CAPN7: variants seen among roughly 807,000 people sequenced by gnomAD.
CAPN7 encodes the protein calpain-7.
A neutral mutation model predicts 115.2 loss-of-function variants in CAPN7; 72 were observed. That is an observed-to-expected ratio of 0.63 (90% CI 0.52 to 0.76). The LOEUF (loss-of-function observed/expected upper bound fraction) is 0.76. CAPN7 is among the 30% of genes least tolerant of loss of function. The pLI, the probability that CAPN7 is intolerant of heterozygous loss-of-function variation, is 0.00. For synonymous variants in CAPN7, 344 were observed against 322.3 expected, an observed-to-expected ratio of 1.07 and a Z score of -0.72; for missense variants, 905 against 971.5, an observed-to-expected ratio of 0.93 and a Z score of 0.91.
chr3:15,233,784 A>C, intron 10 of CAPN7, 83 bp from the exon 11 acceptor site: 3 of 742,296 alleles, frequency 4.0e-6, no homozygotes, highest in Non-Finnish European at 4.7e-6. Context: ...CATTATGCCA[A>C]ATCAGTGAGA....
At chr3:15,223,595 T>C in intron 6 of CAPN7, 34 bp downstream of exon 6, 3 of 1,246,342 alleles carry the variant, frequency 2.4e-6, no homozygotes, top group Non-Finnish European at 3.4e-6. Context: ...TTAACTCCAA[T>C]ATTTTAACTT....
intron 6 of CAPN7, among the ~76,000 whole-genome samples, chr3:15,224,447 A>G (rs568417522): frequency 6.6e-6 from 1 of 151,714 alleles, no homozygotes; most frequent in African/African-American, 2.4e-5. Flanking sequence ...TAATTTTTGT[A>G]TTTTTGGTAG....
chr3:15,246,382 A>G (rs1695659987), intron 17 of CAPN7: 1 of 200,674 alleles, frequency 5.0e-6, no homozygotes. Flanking sequence ...GGTCATTGTA[A>G]TTTTCTTCTA....
At chr3:15,234,922 C>T in intron 11 of CAPN7, 103 bp from the exon 12 acceptor site, 1 of 925,824 alleles carries the variant, frequency 1.1e-6, no homozygotes, top group Non-Finnish European at 1.6e-6. Context: ...GGGGTAGGAA[C>T]AGCCCATTTT....
rs138415987 is a variant in CAPN7 at position 15,220,812 on chromosome 3, C to A, written c.469C>A (p.Pro157Thr). 3 of 1,614,168 alleles carry A rather than the reference C, an allele frequency of 1.9e-6. No individual in the cohort carries two copies. The East Asian group carries it at 6.7e-5, about 36-fold the overall frequency. The change falls in exon 5 of 21, where the codon CCA becomes ACA. Residue 157 changes from proline (P) to threonine (T), a missense_variant. Physicochemically the swap from Pro to Thr is conservative, Grantham distance 38 (BLOSUM62 -1). Around this residue, in one of 3 missense-constraint regions of CAPN7, gnomAD observed 271 missense variants for 239.6 expected, o/e 1.13. Transcript: ENST00000253693. ...AGCGCTGAGTGAGCCTTTGACCAAG[C>A]CAGTTGGCAAAATCAGTTCAACAAG... ...AEALSEPLTK[P>T]VGKISSTSVK...
intron 16 of CAPN7, among the ~76,000 whole-genome samples, chr3:15,242,524 C>G (rs974128609): frequency 3.2e-4 from 48 of 152,256 alleles, no homozygotes; most frequent in African/African-American, 1.1e-3. Flanking sequence ...GTCTTTTACT[C>G]TAATCAAATG....
chr3:15,226,216 C>T (rs576790064), intron 6 of CAPN7, among the ~76,000 whole-genome samples: 3 of 152,172 alleles, frequency 2.0e-5, no homozygotes, highest in African/African-American at 4.8e-5. Context: ...ACTGGGATTA[C>T]AGGCGCCCAC....
At chr3:15,217,283 T>A in intron 2 of CAPN7, 142 bp from the exon 3 acceptor site, 1 of 715,740 alleles carries the variant, frequency 1.4e-6, no homozygotes, top group Admixed American at 3.7e-5. Flanking sequence ...TTGTCCTTTT[T>A]TAAGGATTTT....
chr3:15,231,398 A>G (rs1694678098), intron 9 of CAPN7, among the ~76,000 whole-genome samples: 1 of 152,242 alleles, frequency 6.6e-6, no homozygotes, highest in Non-Finnish European at 1.5e-5. Flanking sequence ...TTACTTAAAA[A>G]GTAAAGAAAA....
chr3:15,217,752 G>C (rs943110463), intron 3 of CAPN7, among the ~76,000 whole-genome samples, 170 bp downstream of exon 3: 2 of 152,062 alleles, frequency 1.3e-5, no homozygotes, highest in Non-Finnish European at 2.9e-5. Flanking sequence ...AGCTAATAAT[G>C]GGTTTTTGCA....
At chr3:15,245,857 G>A (rs116265860) in intron 17 of CAPN7, 186 bp downstream of exon 17, 6,170 of 501,486 alleles carry the variant, frequency 0.012, 66 homozygotes, top group Non-Finnish European at 0.015. Context: ...GAAAAGAAAT[G>A]TCTTTATTTT....
rs149691332 is a variant in CAPN7, at chr3:15,247,404, C to A, written c.2151C>A (p.Tyr717Ter). The A allele has an allele frequency of 6.2e-7, 1 of 1,611,766 alleles. No homozygotes were observed. The highest frequency in any genetic ancestry group is 8.5e-7 in the Non-Finnish European group (1 of 1,178,762). Residue 717 changes from tyrosine to a stop codon, truncating the protein, a stop_gained, in exon 19 of 21, where the codon TAC (tyrosine) becomes TAA (stop). Coordinates refer to ENST00000253693, the MANE Select transcript of CAPN7 (RefSeq NM_014296.3). LOFTEE classifies it high-confidence loss of function. ...AGACTCACAAAAATAACCCCATCTACCAATTCCATATAGAAAAGACTGGGC... is the reference window on the plus strand; with the variant it reads ...AGACTCACAAAAATAACCCCATCTAACAATTCCATATAGAAAAGACTGGGC... ...FQETHKNNPI[Y>*]QFHIEKTGPL...
chr3:15,210,707 C>T (rs535363357), intron 1 of CAPN7: 53 of 1,024,384 alleles, frequency 5.2e-5, no homozygotes, highest in East Asian at 1.8e-4. Context: ...GTGATCCTCC[C>T]GCCTCAGCCT....
At position 15,211,028 on chromosome 3, in the gene CAPN7, CATAACTGGTCGTGGAAGTTATGGA is replaced by C. The variant is rs1217265183; in HGVS notation, c.103-1067_103-1044del. The C allele has an allele frequency of 9.4e-6, 7 of 746,818 alleles. No homozygotes were observed. In the Admixed American group the frequency reaches 3.6e-4, roughly 38 times the overall value. 46.3% of individuals were successfully genotyped at this position (746,818 alleles called of 1,614,324 possible). A position where few individuals can be genotyped will look rare whatever the true frequency, so the allele number is the denominator to read the frequency against. ...TGGAAACACCACCTTCTAGCCATAG[CATAACTGGTCGTGGAAGTTATGGA>C]ATAACTGGAAGAAGAATCCAGATTT... is the stretch of plus-strand genomic sequence containing the variant. On this transcript the variant is annotated intron_variant, in intron 1 of 20. Transcript: ENST00000253693.
chr3:15,212,584 C>T (rs2045019779), intron 2 of CAPN7, among the ~76,000 whole-genome samples: 1 of 152,168 alleles, frequency 6.6e-6, no homozygotes, highest in African/African-American at 2.4e-5. Flanking sequence ...TCAGTGTTTA[C>T]AGACTTCAGC....
At chr3:15,212,050 A>C in intron 1 of CAPN7, 54 bp from the exon 2 acceptor site, 1 of 1,079,256 alleles carries the variant, frequency 9.3e-7, no homozygotes, top group African/African-American at 1.6e-5. Flanking sequence ...TGTGATAAAG[A>C]AAATTCAAGT....
intron 5 of CAPN7, 104 bp downstream of exon 5, chr3:15,221,085 T>C (rs1693952744): frequency 2.4e-6 from 2 of 818,486 alleles, no homozygotes; most frequent in Non-Finnish European, 4.0e-6. Flanking sequence ...TCTCCTATAG[T>C]GTATTGTGCT....
rs920087762 is a variant in CAPN7, at chr3:15,229,637, G to A, written c.938+578G>A. On this transcript the variant is annotated intron_variant, in intron 8 of 20. Coordinates refer to ENST00000253693, the MANE Select transcript of CAPN7 (RefSeq NM_014296.3). ...GTTGCCCAGGCTGGAGTGCAATGGCGTGATCTCGGCTCACCACAACCTCTG... is the reference window on the plus strand; with the variant it reads ...GTTGCCCAGGCTGGAGTGCAATGGCATGATCTCGGCTCACCACAACCTCTG... Among the ~76,000 whole-genome samples the A allele has an allele frequency of 5.8e-5, 8 of 138,110 alleles. No homozygotes were observed. In the Admixed American group the frequency reaches 6.2e-4, roughly 11 times the overall value. The allele number at this position is 138,110 out of a possible 152,430, so 90.6% of individuals were successfully genotyped here.
Position 15,206,257 on chromosome 3 carries a change from G to T in CAPN7, c.-239G>T. ...CTGGTGGGCGGGGCGAGGGCCGCTG[G>T]GGCCGCGAAGTGGGGCGGCCGGGTG... is the stretch of plus-strand genomic sequence containing the variant. On this transcript the variant is annotated 5_prime_UTR_variant, in exon 1 of 21. Transcript: ENST00000253693. The T allele has an allele frequency of 2.5e-6, 1 of 393,976 alleles. No homozygotes were observed. The highest frequency in any genetic ancestry group is 3.9e-5 in the South Asian group (1 of 25,380). The allele number at this position is 393,976 out of a possible 1,614,324, so 24.4% of individuals were successfully genotyped here. A position where few individuals can be genotyped will look rare whatever the true frequency, so the allele number is the denominator to read the frequency against.
Sources: gnomAD v4.1 joint callset for allele counts (sites outside exome capture counted in the v4.1 genomes callset) on GRCh38, gnomAD v4.1.1 for gene constraint, gnomAD v4.1.1 regional missense constraint, MANE v1.5 for transcripts, NCBI Gene and HGNC (gene_info 2026-07-23, HGNC 2026-07-21) for gene names.